The following ORC3 variants were observed in gnomAD, a reference collection of about 807,000 sequenced individuals.
ORC3 encodes homolog of latheo, Drosophila.
Under a neutral mutation model 100.7 loss-of-function variants are expected in ORC3, and 78 were observed. The observed-to-expected ratio is 0.77, with a 90% confidence interval of 0.65 to 0.94. ORC3 has a LOEUF of 0.94. Among genes scored for constraint, ORC3 ranks in the 40% least tolerant of loss-of-function variants. The pLI is 0.00. For missense variants in ORC3, 789 were observed against 823.9 expected, an observed-to-expected ratio of 0.96 and a Z score of 0.52; for synonymous variants, 295 against 289.3, an observed-to-expected ratio of 1.02 and a Z score of -0.20.
chr6:87,613,953 G>A (rs1456178769), intron 8 of ORC3, among the ~76,000 whole-genome samples: 1 of 152,196 alleles, frequency 6.6e-6, no homozygotes, highest in Non-Finnish European at 1.5e-5. Context: ...CCATTCTGGG[G>A]TGTAGAGGAT....
intron 11 of ORC3, among the ~76,000 whole-genome samples, chr6:87,622,964 A>T (rs184109986): frequency 2.0e-4 from 30 of 152,272 alleles, no homozygotes; most frequent in East Asian, 1.7e-3. Context: ...TTTAGGAAAA[A>T]GTTGTTAGAA....
intron 11 of ORC3, among the ~76,000 whole-genome samples, chr6:87,632,972 A>G (rs938446860): frequency 6.6e-6 from 1 of 152,248 alleles, no homozygotes; most frequent in African/African-American, 2.4e-5. Flanking sequence ...GGAGAAAAAC[A>G]TGTTTATATT....
At chr6:87,621,282 T>G (rs1359004790) in intron 9 of ORC3, 72 bp from the exon 10 acceptor site, 1 of 1,154,148 alleles carries the variant, frequency 8.7e-7, no homozygotes, top group Non-Finnish European at 1.2e-6. Flanking sequence ...TCCTTAAAAT[T>G]GAGCAGATTG....
At chr6:87,666,147 TTTTGAGACGGAGTC>T (rs753395886) in intron 19 of ORC3, among the ~76,000 whole-genome samples, 7 of 152,220 alleles carry the variant, frequency 4.6e-5, no homozygotes, top group Non-Finnish European at 8.8e-5. Context: ...GTTTGTTTGT[TTTTGAGACGGAGTC>T]TCGTCTATCG....
chr6:87,611,164 T>C (rs28381489), intron 7 of ORC3, among the ~76,000 whole-genome samples: 2,005 of 151,942 alleles, frequency 0.013, 21 homozygotes, highest in South Asian at 0.037. Context: ...CTCAAACTCT[T>C]GGCCTCAAGA....
At chr6:87,638,265 T>C (rs1279293834) in intron 13 of ORC3, among the ~76,000 whole-genome samples, 1 of 152,134 alleles carries the variant, frequency 6.6e-6, no homozygotes, top group African/African-American at 2.4e-5. Context: ...AGGAAAGGAA[T>C]TGGGGAACCT....
intron 13 of ORC3, among the ~76,000 whole-genome samples, chr6:87,641,222 A>G (rs1225670420): frequency 1.3e-5 from 2 of 152,184 alleles, no homozygotes; most frequent in Admixed American, 6.5e-5. Flanking sequence ...GGGATAATGA[A>G]AAGTGTGCCC....
At chr6:87,657,488 G>T (rs1292638803) in intron 15 of ORC3, among the ~76,000 whole-genome samples, 1 of 152,034 alleles carries the variant, frequency 6.6e-6, no homozygotes, top group Non-Finnish European at 1.5e-5. Flanking sequence ...AACCTTCTTT[G>T]TACTGTGATA....
chr6:87,671,906 C>G (rs576439137), downstream of ORC3, among the ~76,000 whole-genome samples: 5 of 148,598 alleles, frequency 3.4e-5, no homozygotes, highest in African/African-American at 1.3e-4. Flanking sequence ...TCACCTTGCA[C>G]TCTTGCACAA....
intron 8 of ORC3, among the ~76,000 whole-genome samples, chr6:87,614,695 A>C (rs1779031545): frequency 6.6e-6 from 1 of 152,214 alleles, no homozygotes; most frequent in African/African-American, 2.4e-5. Flanking sequence ...TCTCTGGGGC[A>C]GGGGCAAAAT....
downstream of ORC3, chr6:87,667,565 C>T (rs1190651793): frequency 6.6e-6 from 1 of 152,556 alleles, no homozygotes; most frequent in African/African-American, 2.4e-5. Context: ...CAGGTTGTTT[C>T]TCCTGGTGAC....
intron 4 of ORC3, 77 bp from the exon 5 acceptor site, chr6:87,605,840 T>C: frequency 1.3e-6 from 1 of 764,046 alleles, no homozygotes; most frequent in Non-Finnish European, 2.2e-6. Flanking sequence ...CTTGTTTGCT[T>C]GATATGTTAA....
At chr6:87,658,456 C>CAA (rs34769498) in intron 16 of ORC3, among the ~76,000 whole-genome samples, 2,299 of 133,278 alleles carry the variant, frequency 0.017, 29 homozygotes, top group Non-Finnish European at 0.026. Context: ...GACTCCGTCT[C>CAA]AAAAAAAAAA....
At chr6:87,631,788 G>A (rs1359511581) in intron 11 of ORC3, among the ~76,000 whole-genome samples, 4 of 151,662 alleles carry the variant, frequency 2.6e-5, no homozygotes, top group Non-Finnish European at 4.4e-5. Context: ...CACCCTGCCC[G>A]GCCCGAAAAT....
chr6:87,645,980 TTTTCTTTTTTTTTTC>T (rs965854960), intron 13 of ORC3, among the ~76,000 whole-genome samples: 2 of 142,746 alleles, frequency 1.4e-5, no homozygotes, highest in African/African-American at 5.4e-5. Flanking sequence ...TTTTCTTTTT[TTTTCTTTTTTTTTTC>T]TTTTTTTTTG....
At chr6:87,659,041 TATC>T (rs1769961614) in intron 16 of ORC3, among the ~76,000 whole-genome samples, 1 of 148,544 alleles carries the variant, frequency 6.7e-6, no homozygotes, top group Admixed American at 6.7e-5. Flanking sequence ...GAGAACCTGT[TATC>T]ATTGTTTATT....
At position 87,602,954 on chromosome 6, in the gene ORC3, A is replaced by ATTTATATATATATATATATATATATAT. The variant is rs1554236515; in HGVS notation, c.178-430_178-429insTTTATATATATATATATATATATATAT. Among the ~76,000 whole-genome samples, 57 of 95,204 alleles carry ATTTATATATATATATATATATATATAT rather than the reference A, an allele frequency of 6.0e-4. 1 individual carries two copies. The highest frequency in any genetic ancestry group is 9.3e-4 in the Non-Finnish European group (45 of 48,626). The allele number at this position is 95,204 out of a possible 152,430, so 62.5% of individuals were successfully genotyped here. Reference sequence around the variant, plus strand: ...CGTTTATATATATATACACATATATAATATATATATATATATACATATATA... The same window carrying ATTTATATATATATATATATATATATAT: ...CGTTTATATATATATACACATATATATTTATATATATATATATATATATATATATATATATATATATATACATATATA... On this transcript the variant is annotated intron_variant, in intron 3 of 19. Transcript: ENST00000392844.
rs548788316 is a variant in ORC3, at chr6:87,639,825, C to CAAAA, written c.1382+3361_1382+3364dup. On this transcript the variant is annotated intron_variant, in intron 13 of 19. Coordinates refer to ENST00000392844, the MANE Select transcript of ORC3 (RefSeq NM_012381.4). ...TGAAACCCCCTCTCTGCCAAAAATA[C>CAAAA]AAAAAAAAAAAAAAAAAAAAAAAAA... 4.2e-3 allele frequency among the ~76,000 whole-genome samples: 248 copies of CAAAA among 58,744 alleles called. 2 individuals carry two copies. The highest frequency in any genetic ancestry group is 0.015 in the African/African-American group (227 of 15,042). 38.5% of individuals were successfully genotyped at this position (58,744 alleles called of 152,430 possible).
intron 13 of ORC3, among the ~76,000 whole-genome samples, chr6:87,644,344 G>A (rs1282713239): frequency 3.5e-5 from 4 of 114,098 alleles, no homozygotes; most frequent in East Asian, 2.5e-4. Flanking sequence ...TGCCTGCCTC[G>A]GCCTCCCAAA....
Sources: gnomAD v4.1 joint callset for allele counts (sites outside exome capture counted in the v4.1 genomes callset) on GRCh38, gnomAD v4.1.1 for gene constraint, MANE v1.5 for transcripts, NCBI Gene and HGNC (gene_info 2026-07-23, HGNC 2026-07-21) for gene names.